Variants in CACNA2D1 observed in about 807,000 individuals in gnomAD.
The protein encoded by CACNA2D1 is calcium voltage-gated channel auxiliary subunit alpha2delta 1.
CACNA2D1 carries 53 observed loss-of-function variants against 171.5 expected under a neutral mutation model. The ratio of observed to expected loss-of-function variants is 0.31; its 90% CI spans 0.25 to 0.39. The LOEUF (loss-of-function observed/expected upper bound fraction) is 0.39, where lower values mean the gene tolerates loss of function less well. CACNA2D1 is among the 10% of genes least tolerant of loss of function. The pLI is 1.00. For missense variants in CACNA2D1, 903 were observed against 1,299.8 expected, an observed-to-expected ratio of 0.69 and a Z score of 4.69; for synonymous variants, 442 against 443.1, an observed-to-expected ratio of 1.00 and a Z score of 0.03.
At chr7:81,969,680 G>A (rs1795064075) in intron 28 of CACNA2D1, among the ~76,000 whole-genome samples, 1 of 151,104 alleles carries the variant, frequency 6.6e-6, no homozygotes, top group African/African-American at 2.4e-5. Context: ...CTGGAAGACT[G>A]TTTGCTGTGT....
At chr7:82,329,370 A>G (rs1229520968) in intron 3 of CACNA2D1, among the ~76,000 whole-genome samples, 3 of 152,190 alleles carry the variant, frequency 2.0e-5, no homozygotes, top group Non-Finnish European at 4.4e-5. Context: ...AGAATATGCC[A>G]TAATTGGAAA....
intron 14 of CACNA2D1, among the ~76,000 whole-genome samples, 173 bp from the exon 15 acceptor site, chr7:82,012,416 C>A (rs993625345): frequency 6.6e-6 from 1 of 152,024 alleles, no homozygotes; most frequent in Non-Finnish European, 1.5e-5. Flanking sequence ...GGTGGTATGG[C>A]TACGTTATTT....
At chr7:82,175,239 T>C (rs1037164147) in intron 3 of CACNA2D1, among the ~76,000 whole-genome samples, 1 of 152,022 alleles carries the variant, frequency 6.6e-6, no homozygotes, top group Non-Finnish European at 1.5e-5. Context: ...GTTGGTACTC[T>C]TGTTTATATA....
intron 10 of CACNA2D1, among the ~76,000 whole-genome samples, chr7:82,049,079 ACT>A (rs1432955500): frequency 6.7e-6 from 1 of 149,838 alleles, no homozygotes; most frequent in Admixed American, 6.7e-5. Context: ...CTTCTTATAA[ACT>A]CTCTTTATAT....
chr7:82,407,580 A>G (rs1827192716), intron 1 of CACNA2D1, among the ~76,000 whole-genome samples: 2 of 152,316 alleles, frequency 1.3e-5, no homozygotes, highest in South Asian at 4.1e-4. Flanking sequence ...ATTTCCAAAT[A>G]CAATTTATTA....
intron 32 of CACNA2D1, 84 bp from the exon 33 acceptor site, chr7:81,964,443 GAAAT>G: frequency 9.3e-7 from 1 of 1,074,634 alleles, no homozygotes; most frequent in Non-Finnish European, 1.4e-6. Context: ...ACAGTGAAAA[GAAAT>G]AATACAAAGA....
At chr7:82,296,092 C>T (rs1460044128) in intron 3 of CACNA2D1, among the ~76,000 whole-genome samples, 8 of 149,802 alleles carry the variant, frequency 5.3e-5, no homozygotes, top group Non-Finnish European at 1.2e-4. Context: ...GGGAACATCA[C>T]ACTCTGGGGA....
chr7:82,218,615 C>T (rs1317009155), intron 3 of CACNA2D1, among the ~76,000 whole-genome samples: 2 of 152,086 alleles, frequency 1.3e-5, no homozygotes, highest in African/African-American at 4.8e-5. Context: ...GAAGGAAGTA[C>T]AGAACCAAGA....
chr7:81,952,229 T>C (rs1197218246), intron 38 of CACNA2D1, among the ~76,000 whole-genome samples: 3 of 151,568 alleles, frequency 2.0e-5, no homozygotes, highest in Admixed American at 2.0e-4. Context: ...TAATCCAAGG[T>C]AGATGTTCTA....
chr7:82,082,566 T>C (rs954615024), intron 7 of CACNA2D1, among the ~76,000 whole-genome samples: 6 of 151,124 alleles, frequency 4.0e-5, no homozygotes, highest in Non-Finnish European at 7.4e-5. Flanking sequence ...ATATGTAAAA[T>C]AGATGAAGGG....
intron 1 of CACNA2D1, among the ~76,000 whole-genome samples, chr7:82,400,345 T>A (rs1826241058): frequency 6.6e-6 from 1 of 151,900 alleles, no homozygotes; most frequent in South Asian, 2.1e-4. Context: ...CATGGAATGT[T>A]CTTCCATTTG....
At chr7:82,410,282 G>C (rs1161496350) in intron 1 of CACNA2D1, among the ~76,000 whole-genome samples, 2 of 152,160 alleles carry the variant, frequency 1.3e-5, no homozygotes, top group African/African-American at 4.8e-5. Flanking sequence ...TGTGATTTGA[G>C]ACTTTTACAA....
chr7:82,256,315 A>G (rs1462141912), intron 3 of CACNA2D1, among the ~76,000 whole-genome samples: 1 of 152,136 alleles, frequency 6.6e-6, no homozygotes, highest in Non-Finnish European at 1.5e-5. Context: ...ATAAAATTAA[A>G]TAAGTAAAGT....
intron 3 of CACNA2D1, among the ~76,000 whole-genome samples, chr7:82,189,828 G>A (rs17155995): frequency 0.035 from 5,284 of 151,876 alleles, 175 homozygotes; most frequent in East Asian, 0.11. Context: ...GCTGGAAATA[G>A]ATTAAAAATG....
chr7:82,269,103 C>T (rs1403217780), intron 3 of CACNA2D1, among the ~76,000 whole-genome samples: 1 of 152,214 alleles, frequency 6.6e-6, no homozygotes, highest in African/African-American at 2.4e-5. Flanking sequence ...ACAAGACCTA[C>T]ACATAGTCCC....
intron 3 of CACNA2D1, among the ~76,000 whole-genome samples, chr7:82,180,915 AG>A (rs1797058612): frequency 6.6e-6 from 1 of 151,900 alleles, no homozygotes. Flanking sequence ...TAAGGTGCTC[AG>A]GCTTTCTCGC....
intron 1 of CACNA2D1, among the ~76,000 whole-genome samples, chr7:82,388,777 T>C (rs1489226579): frequency 2.0e-5 from 3 of 152,164 alleles, no homozygotes; most frequent in Admixed American, 6.5e-5. Flanking sequence ...CTCTAAACTT[T>C]TATTTCCAGA....
At chr7:82,369,058 C>G (rs1357468881) in intron 1 of CACNA2D1, among the ~76,000 whole-genome samples, 2 of 152,172 alleles carry the variant, frequency 1.3e-5, no homozygotes, top group South Asian at 2.1e-4. Context: ...AAGCTCCTTT[C>G]TAGAAAATTT....
intron 38 of CACNA2D1, among the ~76,000 whole-genome samples, chr7:81,958,394 G>A (rs1220467538): frequency 6.6e-6 from 1 of 151,966 alleles, no homozygotes; most frequent in African/African-American, 2.4e-5. Flanking sequence ...ATATTCATTG[G>A]TGTGTGCACA....
Sources: allele counts gnomAD v4.1 joint callset (sites outside exome capture counted in the v4.1 genomes callset), GRCh38; gene constraint gnomAD v4.1.1; transcripts MANE v1.5; gene names NCBI Gene and HGNC (gene_info 2026-07-23, HGNC 2026-07-21).